The following SLC35A3 variants were observed in gnomAD, a reference collection of about 807,000 sequenced individuals.
SLC35A3 encodes the protein solute carrier family 35 member A3.
Under a neutral mutation model 39.0 loss-of-function variants are expected in SLC35A3, and 26 were observed. The ratio of observed to expected loss-of-function variants is 0.67; its 90% CI spans 0.49 to 0.92. The LOEUF (loss-of-function observed/expected upper bound fraction) is 0.92, where lower values mean the gene tolerates loss of function less well. Among genes scored for constraint, SLC35A3 ranks in the 40% least tolerant of loss-of-function variants. The pLI, the probability that SLC35A3 is intolerant of heterozygous loss-of-function variation, is 0.00. For missense variants in SLC35A3, 299 were observed against 371.6 expected (o/e 0.80, Z 1.61); for synonymous variants, 135 against 133.1 (o/e 1.01, Z -0.10).
rs1257613514 is a variant in SLC35A3, at chr1:100,032,763, T to C, written c.*10287T>C. ...GGTTTCACCATCTTGGCCAGGCTGG[T>C]CTTGAACTCCTGACCTCGTGATCCA... On this transcript the variant is annotated 3_prime_UTR_variant, in exon 8 of 8. Coordinates refer to ENST00000533028, the MANE Select transcript of SLC35A3 (RefSeq NM_012243.3). The C allele has an allele frequency of 6.6e-6, 1 of 152,222 alleles. No homozygotes were observed. Among genetic ancestry groups the C allele is most frequent in the Non-Finnish European group, 1.5e-5 (1 of 68,060 alleles). 9.4% of individuals were successfully genotyped at this position (152,222 alleles called of 1,614,324 possible).
intron 1 of SLC35A3, among the ~76,000 whole-genome samples, chr1:99,990,348 G>C (rs1658006821): frequency 6.6e-6 from 1 of 152,070 alleles, no homozygotes; most frequent in Non-Finnish European, 1.5e-5. Flanking sequence ...GACCAAGGTG[G>C]GTGGATCATG....
At position 99,970,239 on chromosome 1, in the gene SLC35A3, A is replaced by G. The variant is rs566983011; in HGVS notation, c.-19+77A>G. The G allele has an allele frequency of 1.6e-3, 393 of 241,112 alleles. 1 individual carries two copies. Among genetic ancestry groups the G allele is most frequent in the Middle Eastern group, 0.012 (9 of 740 alleles). The allele number at this position is 241,112 out of a possible 1,614,324, so 14.9% of individuals were successfully genotyped here. ...GCGGGGCGGCCCGGGAAGCTCCTGG[A>G]GGAGGAGGAAGAGGAGGCATGCGAG... On this transcript the variant is annotated intron_variant, in intron 1 of 7. Transcript: ENST00000533028.
chr1:99,971,405 C>T (rs1047408464), intron 1 of SLC35A3, among the ~76,000 whole-genome samples: 3 of 151,882 alleles, frequency 2.0e-5, no homozygotes, highest in Non-Finnish European at 4.4e-5. Flanking sequence ...CTCCCGGGTT[C>T]ATGCCGTTCT....
rs76334301 is a variant in SLC35A3, at chr1:100,033,413, A to C, written c.*10937A>C. ...CATCTCTTATAAGTAATTATTATCC[A>C]TCTCTTATAAGTAATTATTATAAGT... is the stretch of plus-strand genomic sequence containing the variant. On this transcript the variant is annotated 3_prime_UTR_variant, in exon 8 of 8. Coordinates refer to ENST00000533028, the MANE Select transcript of SLC35A3 (RefSeq NM_012243.3). 7 of 150,156 alleles carry C rather than the reference A, an allele frequency of 4.7e-5. No homozygotes were observed. Among genetic ancestry groups the C allele is most frequent in the African/African-American group, 1.7e-4 (7 of 40,906 alleles). The allele number at this position is 150,156 out of a possible 1,614,324, so 9.3% of individuals were successfully genotyped here. A position where few individuals can be genotyped will look rare whatever the true frequency, so the allele number is the denominator to read the frequency against.
chr1:99,980,049 C>CTA lies in SLC35A3; in HGVS notation c.-19+9888_-19+9889insAT, dbSNP rs1363433642. 3.8e-3 allele frequency among the ~76,000 whole-genome samples: 571 copies of CTA among 150,950 alleles called. 4 individuals carry two copies. The highest frequency in any genetic ancestry group is 0.013 in the African/African-American group (519 of 40,872). On this transcript the variant is annotated intron_variant, in intron 1 of 7. Coordinates refer to ENST00000533028, the MANE Select transcript of SLC35A3 (RefSeq NM_012243.3). Reference sequence around the variant, plus strand: ...ACAGAGCAAGACTCTGTCTCTCTCTCTCTATATATATGTATATATATTCCA... The same window carrying CTA: ...ACAGAGCAAGACTCTGTCTCTCTCTCTATCTATATATATGTATATATATTCCA...
intron 7 of SLC35A3, among the ~76,000 whole-genome samples, chr1:100,018,384 A>G (rs1056288002): frequency 1.3e-5 from 2 of 152,180 alleles, no homozygotes; most frequent in Non-Finnish European, 2.9e-5. Flanking sequence ...TGTTTAATTT[A>G]TAATCTCAGA....
intron 1 of SLC35A3, among the ~76,000 whole-genome samples, chr1:99,982,670 C>A (rs147304083): frequency 7.9e-5 from 12 of 152,050 alleles, no homozygotes; most frequent in African/African-American, 2.7e-4. Flanking sequence ...CTGAAAATAT[C>A]TTTGAACATG....
At chr1:99,981,437 C>A (rs768136186) in intron 1 of SLC35A3, among the ~76,000 whole-genome samples, 3 of 151,990 alleles carry the variant, frequency 2.0e-5, no homozygotes, top group Non-Finnish European at 4.4e-5. Flanking sequence ...ATCTAAGATA[C>A]TAGGTAGTCT....
intron 1 of SLC35A3, among the ~76,000 whole-genome samples, chr1:99,974,680 C>G (rs901108035): frequency 1.3e-5 from 2 of 152,106 alleles, no homozygotes; most frequent in Non-Finnish European, 2.9e-5. Flanking sequence ...TGAGATAAGT[C>G]TTGGTTCATG....
chr1:100,014,510 C>T (rs1322167282), intron 5 of SLC35A3, among the ~76,000 whole-genome samples: 2 of 152,202 alleles, frequency 1.3e-5, no homozygotes, highest in African/African-American at 2.4e-5. Context: ...GCGTGAGCCA[C>T]TGTGCCCACT....
intron 1 of SLC35A3, among the ~76,000 whole-genome samples, chr1:99,985,659 T>A (rs935157184): frequency 2.6e-5 from 4 of 152,194 alleles, no homozygotes; most frequent in African/African-American, 9.6e-5. Flanking sequence ...CTTTTGGCAG[T>A]ATGGTCATTT....
In SLC35A3 at chr1:100,033,783, C is replaced by T. The variant is rs967994420; in HGVS notation, c.*11307C>T. On this transcript the variant is annotated 3_prime_UTR_variant, in exon 8 of 8. Coordinates refer to ENST00000533028, the MANE Select transcript of SLC35A3 (RefSeq NM_012243.3). ...TTGATTAGAACATATAATATTTACACACTATTTTCCCATCCTAATCCCCAC... is the reference window on the plus strand; with the variant it reads ...TTGATTAGAACATATAATATTTACATACTATTTTCCCATCCTAATCCCCAC... 2 of 152,124 alleles carry T rather than the reference C, an allele frequency of 1.3e-5. No individual in the cohort carries two copies. Among genetic ancestry groups the T allele is most frequent in the African/African-American group, 4.8e-5 (2 of 41,434 alleles). 9.4% of individuals were successfully genotyped at this position (152,124 alleles called of 1,614,324 possible). A position where few individuals can be genotyped will look rare whatever the true frequency, so the allele number is the denominator to read the frequency against.
intron 1 of SLC35A3, among the ~76,000 whole-genome samples, chr1:99,975,551 A>G (rs1172956749): frequency 6.6e-6 from 1 of 152,208 alleles, no homozygotes; most frequent in Non-Finnish European, 1.5e-5. Context: ...TAAAACTTGT[A>G]TGTTGAGTCC....
intron 1 of SLC35A3, among the ~76,000 whole-genome samples, chr1:99,981,294 A>G (rs1570569837): frequency 6.6e-6 from 1 of 152,284 alleles, no homozygotes; most frequent in Non-Finnish European, 1.5e-5. Flanking sequence ...TTATGTCATT[A>G]ACCTCTAGTA....
In SLC35A3 at chr1:100,028,864, T is replaced by C. The variant is rs1268905111; in HGVS notation, c.*6388T>C. Reference sequence around the variant, plus strand: ...TTACTAAAAGCTATTATACTCACAGTCATATTTATTACAGAGAAAGGAAAT... The same window carrying C: ...TTACTAAAAGCTATTATACTCACAGCCATATTTATTACAGAGAAAGGAAAT... On this transcript the variant is annotated 3_prime_UTR_variant, in exon 8 of 8. Coordinates refer to ENST00000533028, the MANE Select transcript of SLC35A3 (RefSeq NM_012243.3). The C allele has an allele frequency of 6.6e-6, 1 of 152,196 alleles. No homozygotes were observed. The highest frequency in any genetic ancestry group is 1.5e-5 in the Non-Finnish European group (1 of 68,042). 9.4% of individuals were successfully genotyped at this position (152,196 alleles called of 1,614,324 possible).
intron 2 of SLC35A3, among the ~76,000 whole-genome samples, chr1:99,994,338 C>CTTTTATCTAAAATTTTTTATCTAAA (rs537249582): frequency 7.9e-5 from 12 of 151,812 alleles, no homozygotes; most frequent in Admixed American, 3.3e-4. Context: ...TTTTAAATCA[C>CTTTTATCTAAAATTTTTTATCTAAA]TTTTATCTAA....
At chr1:100,013,199 T>C (rs571697) in intron 5 of SLC35A3, among the ~76,000 whole-genome samples, 22,924 of 152,076 alleles carry the variant, frequency 0.15, 2,410 homozygotes, top group African/African-American at 0.3. Flanking sequence ...AAAAACTTTA[T>C]TGGGTTTGGT....
intron 3 of SLC35A3, chr1:100,000,641 A>G (rs1020342342): frequency 2.0e-4 from 30 of 152,094 alleles, no homozygotes; most frequent in Non-Finnish European, 1.5e-5. Context: ...ATCTTTTAAA[A>G]TATGGAACAC....
At chr1:99,973,619 A>G (rs1334875689) in intron 1 of SLC35A3, among the ~76,000 whole-genome samples, 1 of 152,212 alleles carries the variant, frequency 6.6e-6, no homozygotes, top group Non-Finnish European at 1.5e-5. Context: ...TCTAAAATGA[A>G]ACCAAAGAGC....
Sources: allele counts gnomAD v4.1 joint callset (sites outside exome capture counted in the v4.1 genomes callset), GRCh38; gene constraint gnomAD v4.1.1; transcripts MANE v1.5; gene names NCBI Gene and HGNC (gene_info 2026-07-23, HGNC 2026-07-21).